Variants in TRPM8 observed in about 807,000 individuals in gnomAD.
The protein encoded by TRPM8 is TRPM8 cationic channel.
In TRPM8, 110 loss-of-function variants were observed where a neutral mutation model predicts 133.7. The observed-to-expected ratio is 0.82, with a 90% CI of 0.70 to 0.96. TRPM8 has a LOEUF of 0.96. TRPM8 is among the 40% of genes least tolerant of loss of function. TRPM8 has a pLI of 0.00. For missense variants in TRPM8, 1,291 were observed against 1,379.5 expected, an observed-to-expected ratio of 0.94 and a Z score of 1.02; for synonymous variants, 535 against 532.3, an observed-to-expected ratio of 1.01 and a Z score of -0.07.
chr2:233,971,392 G>T (rs1341704672), intron 17 of TRPM8, among the ~76,000 whole-genome samples: 3 of 152,196 alleles, frequency 2.0e-5, no homozygotes, highest in Non-Finnish European at 4.4e-5. Flanking sequence ...GGGTCTGTCT[G>T]TTCTCAGCGG....
chr2:234,012,523 T>G (rs147041907), intron 24 of TRPM8, among the ~76,000 whole-genome samples: 12 of 152,220 alleles, frequency 7.9e-5, no homozygotes, highest in African/African-American at 2.6e-4. Context: ...TAGGATTTTC[T>G]TCATATAAGA....
Position 233,933,205 on chromosome 2 carries a change from A to G in TRPM8, c.191+2464A>G, listed in dbSNP as rs556778830. 9.2e-5 allele frequency among the ~76,000 whole-genome samples: 14 copies of G among 152,204 alleles called. No individual in the cohort carries two copies. The East Asian group carries it at 2.7e-3, about 29-fold the overall frequency. On this transcript the variant is annotated intron_variant, in intron 3 of 25. Transcript: ENST00000324695. ...AAACAGAAAGAATGCTACCTTCACA[A>G]CAGCAGCACTGTGCAACAGAACTTT...
At chr2:233,949,911 AG>A in intron 8 of TRPM8, 37 bp from the exon 9 acceptor site, 1 of 1,602,400 alleles carries the variant, frequency 6.2e-7, no homozygotes, top group Non-Finnish European at 8.5e-7. Flanking sequence ...CTGTGGACCA[AG>A]GTCTCTGATC....
chr2:233,981,554 T>C (rs561388179), intron 18 of TRPM8, among the ~76,000 whole-genome samples: 6 of 151,840 alleles, frequency 4.0e-5, no homozygotes, highest in Admixed American at 3.9e-4. Context: ...CTCAGTTTGG[T>C]GAGATGTCTT....
At chr2:234,012,320 G>T (rs1008977954) in intron 24 of TRPM8, among the ~76,000 whole-genome samples, 5 of 151,900 alleles carry the variant, frequency 3.3e-5, no homozygotes, top group Non-Finnish European at 7.4e-5. Context: ...GCTAATTTTT[G>T]TATTTTTAGT....
At chr2:233,927,708 C>CTCTTTCTT (rs1174628676) in intron 2 of TRPM8, among the ~76,000 whole-genome samples, 1 of 81,442 alleles carries the variant, frequency 1.2e-5, no homozygotes. Context: ...CAGAGTCTGT[C>CTCTTTCTT]TCTTTCTTTC....
chr2:233,947,301 C>G (rs1339206253), intron 8 of TRPM8, 146 bp downstream of exon 8: 2 of 1,547,612 alleles, frequency 1.3e-6, no homozygotes, highest in Admixed American at 3.9e-5. Flanking sequence ...TACTGTTCCC[C>G]TAACAGACTC....
chr2:233,978,244 G>A (rs1046948245), intron 17 of TRPM8, among the ~76,000 whole-genome samples: 9 of 131,700 alleles, frequency 6.8e-5, no homozygotes, highest in African/African-American at 2.5e-4. Flanking sequence ...TACTTTTTAA[G>A]TTGAGCCTTT....
In TRPM8 at chr2:234,018,409, TAAATATCTATTTATTATTAAATATTA is replaced by T. The variant is rs1187011514; in HGVS notation, c.*1175_*1200del. 2 of 151,432 alleles carry T rather than the reference TAAATATCTATTTATTATTAAATATTA, an allele frequency of 1.3e-5. No homozygotes were observed. Among genetic ancestry groups the T allele is most frequent in the East Asian group, 1.9e-4 (1 of 5,192 alleles). The allele number at this position is 151,432 out of a possible 1,614,324, so 9.4% of individuals were successfully genotyped here. A position where few individuals can be genotyped will look rare whatever the true frequency, so the allele number is the denominator to read the frequency against. On this transcript the variant is annotated 3_prime_UTR_variant, in exon 26 of 26. Coordinates refer to ENST00000324695, the MANE Select transcript of TRPM8 (RefSeq NM_024080.5). ...AAAATTTTCCAAGGTTAGATTCCAA[TAAATATCTATTTATTATTAAATATTA>T]AAATATCTATTTATTATTAAAACCA...
At chr2:233,924,043 G>C (rs887922824) in intron 1 of TRPM8, among the ~76,000 whole-genome samples, 2 of 152,152 alleles carry the variant, frequency 1.3e-5, no homozygotes, top group Admixed American at 1.3e-4. Flanking sequence ...TACAGTGTTG[G>C]GGGGAAAGTG....
At chr2:233,985,397 C>T (rs1327967452) in intron 20 of TRPM8, among the ~76,000 whole-genome samples, 7 of 152,232 alleles carry the variant, frequency 4.6e-5, no homozygotes, top group Non-Finnish European at 8.8e-5. Context: ...GGTTGATTAT[C>T]TGCCTATCCA....
At chr2:233,961,630 C>CTTTTTTTTTT (rs57935574) in intron 12 of TRPM8, among the ~76,000 whole-genome samples, 2 of 111,664 alleles carry the variant, frequency 1.8e-5, no homozygotes, top group Non-Finnish European at 3.7e-5. Context: ...CTTTTCTTTT[C>CTTTTTTTTTT]TTTTTTTTTT....
intron 8 of TRPM8, among the ~76,000 whole-genome samples, chr2:233,948,361 C>T (rs1691093775): frequency 6.6e-6 from 1 of 152,092 alleles, no homozygotes; most frequent in Non-Finnish European, 1.5e-5. Flanking sequence ...CCTTTTTATG[C>T]CTAGTGTTCC....
intron 21 of TRPM8, among the ~76,000 whole-genome samples, chr2:233,992,381 G>A (rs992828545): frequency 2.6e-5 from 4 of 151,670 alleles, no homozygotes; most frequent in African/African-American, 9.7e-5. Context: ...ATGATGCATT[G>A]TACAAAAGAT....
rs1281420011 is a variant in TRPM8, at chr2:234,008,124, T to C, written c.3264+21T>C. ...CAAAGGTATGGTTCTGTTAATAGTT[T>C]GGATTTTTTTTTTTTTTTGGTCACT... is the stretch of plus-strand genomic sequence containing the variant. On this transcript the variant is annotated intron_variant, in intron 24 of 25. Coordinates refer to ENST00000324695, the MANE Select transcript of TRPM8 (RefSeq NM_024080.5). 4 of 1,585,146 alleles carry C rather than the reference T, an allele frequency of 2.5e-6. No homozygotes were observed. The African/African-American group carries it at 4.2e-5, about 17-fold the overall frequency.
intron 17 of TRPM8, among the ~76,000 whole-genome samples, chr2:233,974,271 T>C (rs1691807797): frequency 1.3e-5 from 2 of 152,158 alleles, no homozygotes; most frequent in Non-Finnish European, 2.9e-5. Context: ...TCTTGCTCTG[T>C]TGCCCGGGCT....
At chr2:233,995,005 A>G (rs1692368487) in intron 21 of TRPM8, among the ~76,000 whole-genome samples, 1 of 152,242 alleles carries the variant, frequency 6.6e-6, no homozygotes, top group Admixed American at 6.5e-5. Flanking sequence ...GAAATGAAGC[A>G]TATCTCAAAC....
chr2:233,971,903 C>T (rs1199526372), intron 17 of TRPM8, among the ~76,000 whole-genome samples: 1 of 152,166 alleles, frequency 6.6e-6, no homozygotes, highest in Non-Finnish European at 1.5e-5. Flanking sequence ...TATCTGGCCC[C>T]ACCCACATCC....
intron 9 of TRPM8, among the ~76,000 whole-genome samples, chr2:233,953,473 A>T (rs1691219027): frequency 6.6e-6 from 1 of 152,244 alleles, no homozygotes; most frequent in African/African-American, 2.4e-5. Context: ...AAAATTCTTT[A>T]TCTGTTTCTC....
Sources: gnomAD v4.1 joint callset for allele counts (sites outside exome capture counted in the v4.1 genomes callset) on GRCh38, gnomAD v4.1.1 for gene constraint, MANE v1.5 for transcripts, NCBI Gene and HGNC (gene_info 2026-07-23, HGNC 2026-07-21) for gene names.